CNTN4: variants seen among roughly 807,000 people sequenced by gnomAD.
CNTN4 encodes the protein contactin 4, also known as contactin-4.
Under a neutral mutation model 122.5 loss-of-function variants are expected in CNTN4, and 77 were observed. The ratio of observed to expected loss-of-function variants is 0.63; its 90% CI spans 0.52 to 0.76. CNTN4 has a LOEUF of 0.76. Among genes scored for constraint, CNTN4 ranks in the 30% least tolerant of loss-of-function variants. The pLI is 0.00. For missense variants in CNTN4, 1,256 were observed against 1,259.1 expected (o/e 1.00, Z 0.04); for synonymous variants, 512 against 447.0 (o/e 1.15, Z -1.83).
rs1207573585 is a variant in CNTN4, at chr3:2,988,354, T to G, written c.1368T>G (p.Ile456Met). Residue 456 changes from isoleucine to methionine, a missense_variant, in exon 14 of 25, where the codon ATT (isoleucine) becomes ATG (methionine). Transcript: ENST00000418658. Reference sequence around the variant, plus strand: ...TTTACTTTGATTTCAGAATTACCATTTCTGAAGATGGAAACCTCAGAATCA... The same window carrying G: ...TTTACTTTGATTTCAGAATTACCATGTCTGAAGATGGAAACCTCAGAATCA... ...DILKENERIT[I>M]SEDGNLRIIN... 6.2e-7 allele frequency: 1 copy of G among 1,613,586 alleles called. No individual in the cohort carries two copies. Among genetic ancestry groups the G allele is most frequent in the African/African-American group, 1.3e-5 (1 of 74,908 alleles).
At chr3:2,546,470 G>A (rs2078249982) in intron 3 of CNTN4, among the ~76,000 whole-genome samples, 1 of 152,062 alleles carries the variant, frequency 6.6e-6, no homozygotes, top group Non-Finnish European at 1.5e-5. Context: ...ACAAAGAGGG[G>A]AAGAATAGGC....
At chr3:2,223,705 T>C (rs1224667835) in intron 2 of CNTN4, among the ~76,000 whole-genome samples, 1 of 152,168 alleles carries the variant, frequency 6.6e-6, no homozygotes, top group Non-Finnish European at 1.5e-5. Context: ...ATGCCTAGAC[T>C]GTACAATGTG....
At chr3:2,531,668 C>G (rs2077601983) in intron 3 of CNTN4, among the ~76,000 whole-genome samples, 1 of 152,172 alleles carries the variant, frequency 6.6e-6, no homozygotes, top group Non-Finnish European at 1.5e-5. Context: ...TCTTTCCTGA[C>G]TCTCTTAACG....
At chr3:2,916,043 G>T (rs1280259032) in intron 12 of CNTN4, among the ~76,000 whole-genome samples, 1 of 152,168 alleles carries the variant, frequency 6.6e-6, no homozygotes, top group Non-Finnish European at 1.5e-5. Context: ...GAAATGGGGA[G>T]TTGGGTAATG....
At chr3:2,613,234 A>G (rs17565162) in intron 4 of CNTN4, among the ~76,000 whole-genome samples, 42,274 of 152,028 alleles carry the variant, frequency 0.28, 7,329 homozygotes, top group Middle Eastern at 0.46. Flanking sequence ...TTTATTAATG[A>G]TGACACCTTT....
intron 12 of CNTN4, among the ~76,000 whole-genome samples, chr3:2,910,748 A>C (rs956893764): frequency 1.7e-4 from 26 of 152,174 alleles, no homozygotes; most frequent in African/African-American, 5.5e-4. Context: ...CTTCTGGCAA[A>C]ATTGATTGCA....
At chr3:2,429,437 C>G (rs771158801) in intron 3 of CNTN4, among the ~76,000 whole-genome samples, 2 of 152,192 alleles carry the variant, frequency 1.3e-5, no homozygotes, top group Non-Finnish European at 2.9e-5. Flanking sequence ...GATCGTTCCT[C>G]TGGAAGCTTC....
intron 9 of CNTN4, among the ~76,000 whole-genome samples, chr3:2,885,855 T>C (rs2093969031): frequency 6.6e-6 from 1 of 152,174 alleles, no homozygotes; most frequent in African/African-American, 2.4e-5. Context: ...TTCTGGTATT[T>C]TGTTGGGGAC....
intron 2 of CNTN4, among the ~76,000 whole-genome samples, chr3:2,248,198 T>G (rs1023241059): frequency 6.6e-6 from 1 of 152,038 alleles, no homozygotes; most frequent in African/African-American, 2.4e-5. Context: ...AAATCTTTAT[T>G]TTATACATAG....
intron 3 of CNTN4, among the ~76,000 whole-genome samples, chr3:2,394,331 T>C (rs960490308): frequency 2.0e-5 from 3 of 152,054 alleles, no homozygotes; most frequent in African/African-American, 7.2e-5. Flanking sequence ...GAAGATGGAA[T>C]TTCATAGATG....
rs1040636762 is a variant in CNTN4 at position 2,839,892 on chromosome 3, G to C, written c.454+20311G>C. On this transcript the variant is annotated intron_variant, in intron 7 of 24. Coordinates refer to ENST00000418658, the MANE Select transcript of CNTN4 (RefSeq NM_175607.3). ...CTGGAACAGTCCGAATAGCAATCTAGGGACTTTTTTAAAATTTTTTTTCTC... is the reference window on the plus strand; with the variant it reads ...CTGGAACAGTCCGAATAGCAATCTACGGACTTTTTTAAAATTTTTTTTCTC... 3.3e-5 allele frequency among the ~76,000 whole-genome samples: 5 copies of C among 152,256 alleles called. No homozygotes were observed. In the South Asian group the frequency reaches 8.3e-4, roughly 25 times the overall value.
intron 3 of CNTN4, among the ~76,000 whole-genome samples, chr3:2,396,480 C>G (rs2046645062): frequency 6.6e-6 from 1 of 152,114 alleles, no homozygotes; most frequent in South Asian, 2.1e-4. Flanking sequence ...TTTACTACCC[C>G]CTCCCCAGCC....
At chr3:2,621,333 T>G (rs1247038135) in intron 4 of CNTN4, among the ~76,000 whole-genome samples, 1 of 152,226 alleles carries the variant, frequency 6.6e-6, no homozygotes, top group Non-Finnish European at 1.5e-5. Context: ...TGTGTTCTAC[T>G]TCATCTGAGT....
chr3:2,953,882 T>C (rs1331113053), intron 13 of CNTN4, among the ~76,000 whole-genome samples: 2 of 152,188 alleles, frequency 1.3e-5, no homozygotes, highest in African/African-American at 4.8e-5. Context: ...TCAAATATTA[T>C]TTAGTGACTA....
chr3:2,340,152 T>G (rs1443764766), intron 3 of CNTN4, among the ~76,000 whole-genome samples: 1 of 152,160 alleles, frequency 6.6e-6, no homozygotes, highest in African/African-American at 2.4e-5. Context: ...ATTCACAGAT[T>G]TTGGAGATTA....
chr3:2,777,883 A>G (rs1312751147), intron 6 of CNTN4, among the ~76,000 whole-genome samples: 2 of 152,082 alleles, frequency 1.3e-5, no homozygotes, highest in African/African-American at 2.4e-5. Flanking sequence ...TTATAATCCA[A>G]TAGTTTTGTT....
intron 6 of CNTN4, among the ~76,000 whole-genome samples, chr3:2,775,039 A>G (rs748286881): frequency 7.9e-5 from 12 of 152,206 alleles, no homozygotes; most frequent in Non-Finnish European, 1.6e-4. Context: ...GGTGCTCTTT[A>G]TTCATCATAT....
chr3:2,977,725 T>C (rs1015149142), intron 13 of CNTN4, among the ~76,000 whole-genome samples: 1 of 152,186 alleles, frequency 6.6e-6, no homozygotes, highest in Non-Finnish European at 1.5e-5. Context: ...CCTCTCTTGA[T>C]ACCCGTTATG....
In CNTN4 at chr3:2,659,856, C is replaced by T. The variant is rs17018128; in HGVS notation, c.56-76359C>T. Among the ~76,000 whole-genome samples, 355 of 152,248 alleles carry T rather than the reference C, an allele frequency of 2.3e-3. 1 individual carries two copies. Among genetic ancestry groups the T allele is most frequent in the African/African-American group, 8.1e-3 (335 of 41,540 alleles). On this transcript the variant is annotated intron_variant, in intron 4 of 24. Coordinates refer to ENST00000418658, the MANE Select transcript of CNTN4 (RefSeq NM_175607.3). The stretch of plus-strand genomic sequence containing the variant: ...CAATAGTTTTGAGAGACATTTTAAA[C>T]CCAATAACATGTAAATTTCTTAAAA...
Sources: allele counts gnomAD v4.1 joint callset (sites outside exome capture counted in the v4.1 genomes callset), GRCh38; gene constraint gnomAD v4.1.1; transcripts MANE v1.5; gene names NCBI Gene and HGNC (gene_info 2026-07-23, HGNC 2026-07-21).